The following ESRRG variants were observed in gnomAD, a reference collection of about 807,000 sequenced individuals.
The protein encoded by ESRRG is estrogen-related receptor gamma.
ESRRG carries 13 observed loss-of-function variants against 44.0 expected under a neutral mutation model. The observed-to-expected ratio is 0.30, with a 90% CI of 0.19 to 0.47. ESRRG has a LOEUF of 0.47. Among genes scored for constraint, ESRRG ranks in the 20% least tolerant of loss-of-function variants. The pLI, the probability that ESRRG is intolerant of heterozygous loss-of-function variation, is 1.00. For missense variants in ESRRG, 395 were observed against 580.6 expected, an observed-to-expected ratio of 0.68 and a Z score of 3.29; for synonymous variants, 215 against 214.6, an observed-to-expected ratio of 1.00 and a Z score of -0.02.
intron 1 of ESRRG, chr1:216,707,617 T>C (rs1429886438): frequency 1.1e-6 from 1 of 878,410 alleles, no homozygotes; most frequent in Non-Finnish European, 1.7e-6. Flanking sequence ...GACTTAGGTA[T>C]GAAAAATCCC....
At chr1:216,875,975 AT>A (rs1365976639) in intron 2 of ESRRG, among the ~76,000 whole-genome samples, 1 of 152,216 alleles carries the variant, frequency 6.6e-6, no homozygotes. Context: ...TCAGGCAAAA[AT>A]GAAAAACTAT....
At chr1:216,844,574 C>T (rs1276939982) in intron 2 of ESRRG, among the ~76,000 whole-genome samples, 1 of 151,790 alleles carries the variant, frequency 6.6e-6, no homozygotes, top group Non-Finnish European at 1.5e-5. Flanking sequence ...CACGCTCCTC[C>T]TCCATTAAGG....
intron 2 of ESRRG, among the ~76,000 whole-genome samples, chr1:216,904,249 C>G (rs952052827): frequency 4.6e-5 from 7 of 151,600 alleles, no homozygotes; most frequent in Admixed American, 2.6e-4. Context: ...TCTTAATTCT[C>G]TAAACAAGAT....
intron 3 of ESRRG, among the ~76,000 whole-genome samples, chr1:216,627,241 C>T (rs148206790): frequency 6.6e-6 from 1 of 152,258 alleles, no homozygotes; most frequent in East Asian, 1.9e-4. Flanking sequence ...ACTTGGAAAC[C>T]TCTTAATTCA....
intron 1 of ESRRG, among the ~76,000 whole-genome samples, chr1:216,697,832 G>T (rs997596734): frequency 6.6e-6 from 1 of 152,156 alleles, no homozygotes; most frequent in Non-Finnish European, 1.5e-5. Flanking sequence ...AGGAAAATAA[G>T]ACAAGATCAA....
At chr1:216,869,203 T>G (rs1048010333) in intron 2 of ESRRG, among the ~76,000 whole-genome samples, 4 of 152,162 alleles carry the variant, frequency 2.6e-5, no homozygotes, top group Admixed American at 1.3e-4. Context: ...ATGTTTTACA[T>G]CTAGATTTTT....
intron 1 of ESRRG, among the ~76,000 whole-genome samples, chr1:216,984,292 A>G (rs1409851277): frequency 6.6e-6 from 1 of 152,156 alleles, no homozygotes; most frequent in African/African-American, 2.4e-5. Flanking sequence ...TCTAATCCCC[A>G]AAATGCATCC....
upstream of ESRRG, chr1:216,723,500 G>A (rs1168249388): frequency 1.8e-6 from 1 of 561,060 alleles, no homozygotes. Flanking sequence ...CTTTACATAT[G>A]CAGTCCCACC....
In ESRRG at chr1:216,880,304, CAAAAAAAAAA is replaced by C. The variant is rs11301281; in HGVS notation, c.-14+59268_-14+59277del. On this transcript the variant is annotated intron_variant, in intron 2 of 7. Coordinates refer to the ESRRG transcript ENST00000359162. ...CCTGAGCGACAACAAGCCTCCCTCT[CAAAAAAAAAA>C]AAAAAAAAAAAAAAAAAAAAGTTTT... is the stretch of plus-strand genomic sequence containing the variant. Among the ~76,000 whole-genome samples, 57 of 29,038 alleles carry C rather than the reference CAAAAAAAAAA, an allele frequency of 2.0e-3. No individual in the cohort carries two copies. In the East Asian group the frequency reaches 0.054, roughly 28 times the overall value. 19.1% of individuals were successfully genotyped at this position (29,038 alleles called of 152,430 possible). A position where few individuals can be genotyped will look rare whatever the true frequency, so the allele number is the denominator to read the frequency against.
chr1:216,815,180 G>A (rs909762325), intron 2 of ESRRG, among the ~76,000 whole-genome samples: 19 of 152,150 alleles, frequency 1.2e-4, no homozygotes, highest in African/African-American at 4.1e-4. Context: ...AAAACCAAAA[G>A]CATTGCACAC....
chr1:216,851,084 T>C (rs563755972), intron 2 of ESRRG, among the ~76,000 whole-genome samples: 3 of 151,080 alleles, frequency 2.0e-5, no homozygotes, highest in South Asian at 4.2e-4. Flanking sequence ...TTTGTTTTTA[T>C]TGAATACATT....
chr1:216,739,720 A>G (rs2090425347), intron 2 of ESRRG, among the ~76,000 whole-genome samples: 1 of 152,044 alleles, frequency 6.6e-6, no homozygotes, highest in Admixed American at 6.6e-5. Flanking sequence ...AGAAATGAAA[A>G]CCCAGCTCAC....
chr1:216,807,760 T>A (rs1289354905), intron 2 of ESRRG, among the ~76,000 whole-genome samples: 1 of 150,226 alleles, frequency 6.7e-6, no homozygotes, highest in Non-Finnish European at 1.5e-5. Flanking sequence ...TTACAGGGAG[T>A]AGATGGGTGA....
chr1:216,714,862 CG>C (rs1168191522), intron 1 of ESRRG, among the ~76,000 whole-genome samples: 5 of 152,058 alleles, frequency 3.3e-5, no homozygotes, highest in African/African-American at 1.2e-4. Context: ...TAATCATTTA[CG>C]GGTAGTACTT....
intron 3 of ESRRG, among the ~76,000 whole-genome samples, chr1:216,621,352 T>A (rs2062208966): frequency 1.3e-5 from 2 of 152,176 alleles, no homozygotes; most frequent in South Asian, 2.1e-4. Context: ...AGATGTGCAA[T>A]ATCAAGAGCC....
At chr1:217,016,157 A>G (rs115952976) in intron 1 of ESRRG, among the ~76,000 whole-genome samples, 1 of 152,302 alleles carries the variant, frequency 6.6e-6, no homozygotes, top group Non-Finnish European at 1.5e-5. Flanking sequence ...ATAAAATTCA[A>G]TTGAAGAAAA....
chr1:216,688,712 T>C (rs1205161638), intron 1 of ESRRG, among the ~76,000 whole-genome samples: 1 of 151,822 alleles, frequency 6.6e-6, no homozygotes, highest in Non-Finnish European at 1.5e-5. Flanking sequence ...AAAAAAAAGA[T>C]GATATAAAAG....
At chr1:216,643,809 C>T (rs939801397) in intron 3 of ESRRG, among the ~76,000 whole-genome samples, 2 of 152,092 alleles carry the variant, frequency 1.3e-5, no homozygotes, top group African/African-American at 4.8e-5. Flanking sequence ...ATTTATATAC[C>T]TTAAGCTCAA....
intron 2 of ESRRG, among the ~76,000 whole-genome samples, chr1:216,792,188 C>T (rs2094339780): frequency 1.3e-5 from 2 of 152,106 alleles, no homozygotes; most frequent in South Asian, 4.1e-4. Flanking sequence ...ATGTGGTCAG[C>T]CTCATTCATT....
Sources: gnomAD v4.1 joint callset for allele counts (sites outside exome capture counted in the v4.1 genomes callset) on GRCh38, gnomAD v4.1.1 for gene constraint, MANE v1.5 for transcripts, NCBI Gene and HGNC (gene_info 2026-07-23, HGNC 2026-07-21) for gene names.